PAPOLG: variants seen among roughly 807,000 people sequenced by gnomAD.
PAPOLG encodes PAP-gamma.
In PAPOLG, 40 loss-of-function variants were observed where a neutral mutation model predicts 99.0. The ratio of observed to expected loss-of-function variants is 0.40; its 90% CI spans 0.31 to 0.53. The LOEUF is 0.53. PAPOLG is among the 20% of genes least tolerant of loss of function. The pLI is 0.41. For missense variants in PAPOLG, 675 were observed against 884.1 expected (o/e 0.76, Z 3.00); for synonymous variants, 310 against 299.3 (o/e 1.04, Z -0.37).
chr2:60,757,747 T>A (rs1670391123), intron 1 of PAPOLG, among the ~76,000 whole-genome samples: 1 of 152,244 alleles, frequency 6.6e-6, no homozygotes, highest in Admixed American at 6.5e-5. Flanking sequence ...TAGGTGTCTC[T>A]TTGTACGCTT....
At chr2:60,764,499 C>T (rs1287475936) in intron 3 of PAPOLG, among the ~76,000 whole-genome samples, 1 of 151,890 alleles carries the variant, frequency 6.6e-6, no homozygotes, top group African/African-American at 2.4e-5. Flanking sequence ...TCACTGCAAC[C>T]TCCGCCTCCC....
At chr2:60,794,831 G>C in intron 20 of PAPOLG, 56 bp downstream of exon 20, 1 of 1,542,126 alleles carries the variant, frequency 6.5e-7, no homozygotes, top group Non-Finnish European at 8.9e-7. Context: ...CATGTATCAG[G>C]AAAAGTGCCA....
At chr2:60,770,379 G>A in intron 5 of PAPOLG, 79 bp from the exon 6 acceptor site, 1 of 1,218,584 alleles carries the variant, frequency 8.2e-7, no homozygotes, top group Non-Finnish European at 1.1e-6. Context: ...CGGGAGTAAA[G>A]ATATTCACAT....
intron 7 of PAPOLG, 120 bp from the exon 8 acceptor site, chr2:60,774,914 A>G: frequency 2.0e-6 from 3 of 1,480,878 alleles, no homozygotes; most frequent in Non-Finnish European, 2.7e-6. Flanking sequence ...ACATAAAATA[A>G]GCCCCAATGT....
chr2:60,782,455 C>G (rs13005859), intron 11 of PAPOLG, among the ~76,000 whole-genome samples: 73,186 of 151,174 alleles, frequency 0.48, 18,374 homozygotes, highest in Middle Eastern at 0.6. Context: ...TACTCAGGAG[C>G]CTGGGGCAGG....
chr2:60,792,935 C>T (rs888762381), intron 17 of PAPOLG, among the ~76,000 whole-genome samples: 1 of 152,154 alleles, frequency 6.6e-6, no homozygotes, highest in Admixed American at 6.5e-5. Context: ...ACTTGGGAGG[C>T]TGAGGCAGGA....
chr2:60,768,329 T>G, intron 3 of PAPOLG, 141 bp from the exon 4 acceptor site: 1 of 716,394 alleles, frequency 1.4e-6, no homozygotes, highest in Non-Finnish European at 2.2e-6. Flanking sequence ...CTTGAACTCC[T>G]GACCTCAGGT....
intron 1 of PAPOLG, among the ~76,000 whole-genome samples, chr2:60,757,183 C>T (rs938707135): frequency 6.6e-6 from 1 of 152,188 alleles, no homozygotes; most frequent in Non-Finnish European, 1.5e-5. Flanking sequence ...GTGGAGCCAC[C>T]ACCCATTTCT....
chr2:60,780,740 A>T lies in PAPOLG; in HGVS notation c.867A>T (p.Pro289=). Residue 289 remains proline, a synonymous_variant, in exon 10 of 22, where the codon CCA becomes CCT. Coordinates refer to ENST00000238714, the MANE Select transcript of PAPOLG (RefSeq NM_022894.4). Reference sequence around the variant, plus strand: ...CAAATCCTGTGCTGCTGAAGCAACCAGAAGAAAGCAATTTGAATTTGCCTG... The same window carrying T: ...CAAATCCTGTGCTGCTGAAGCAACCTGAAGAAAGCAATTTGAATTTGCCTG... ...EWPNPVLLKQ[P]EESNLNLPVW... 6.2e-7 allele frequency: 1 copy of T among 1,614,174 alleles called. No individual in the cohort carries two copies. The highest frequency in any genetic ancestry group is 8.5e-7 in the Non-Finnish European group (1 of 1,179,982).
chr2:60,783,970 C>G (rs78860544), intron 13 of PAPOLG, among the ~76,000 whole-genome samples: 5 of 152,008 alleles, frequency 3.3e-5, no homozygotes, highest in Non-Finnish European at 5.9e-5. Context: ...TTTCTCTTTT[C>G]TTTGTTTTTA....
rs1461758613 is a variant in PAPOLG, at chr2:60,783,605, G to T, written c.1166+396G>T. 2.7e-5 allele frequency among the ~76,000 whole-genome samples: 4 copies of T among 147,108 alleles called. No homozygotes were observed. In the East Asian group the frequency reaches 7.9e-4, roughly 29 times the overall value. ...AGCTCACTGCAACCTCCGCCTCCTG[G>T]GTTCAAGTGATTCCCCTGCCTTAGC... is the stretch of plus-strand genomic sequence containing the variant. On this transcript the variant is annotated intron_variant, in intron 13 of 21. Transcript: ENST00000238714.
At chr2:60,769,883 A>G (rs562209994) in intron 5 of PAPOLG, among the ~76,000 whole-genome samples, 2 of 152,202 alleles carry the variant, frequency 1.3e-5, no homozygotes, top group East Asian at 3.9e-4. Flanking sequence ...TAAGATCTGC[A>G]TGCATTAGGT....
chr2:60,761,862 C>T, intron 3 of PAPOLG, 55 bp downstream of exon 3: 2 of 1,249,128 alleles, frequency 1.6e-6, no homozygotes, highest in Non-Finnish European at 2.3e-6. Flanking sequence ...GGCCATTCAT[C>T]CTGGCAATAA....
intron 15 of PAPOLG, among the ~76,000 whole-genome samples, chr2:60,789,914 A>T (rs1671478775): frequency 6.6e-6 from 1 of 152,028 alleles, no homozygotes; most frequent in African/African-American, 2.4e-5. Context: ...ACATGGTGAA[A>T]CCCCACCCAT....
chr2:60,777,823 A>C (rs1327098565), intron 8 of PAPOLG, among the ~76,000 whole-genome samples: 1 of 152,202 alleles, frequency 6.6e-6, no homozygotes, highest in East Asian at 1.9e-4. Flanking sequence ...TTGGTGGAGC[A>C]TTCAGAACAT....
chr2:60,783,606 G>C (rs1435960009), intron 13 of PAPOLG, among the ~76,000 whole-genome samples: 2 of 148,540 alleles, frequency 1.3e-5, no homozygotes, highest in African/African-American at 5.0e-5. Context: ...CGCCTCCTGG[G>C]TTCAAGTGAT....
chr2:60,792,433 G>C (rs1348376359), intron 17 of PAPOLG, 144 bp downstream of exon 17: 3 of 804,588 alleles, frequency 3.7e-6, no homozygotes, highest in Non-Finnish European at 5.7e-6. Context: ...TTCTTGCTTA[G>C]AAATAACTCG....
chr2:60,770,056 G>C (rs1035662242), intron 5 of PAPOLG, among the ~76,000 whole-genome samples: 4 of 151,992 alleles, frequency 2.6e-5, no homozygotes, highest in Admixed American at 6.6e-5. Flanking sequence ...GAGAATGATG[G>C]CTTCCAGTTT....
Position 60,783,151 on chromosome 2 carries a change from T to G in PAPOLG, c.1113-5T>G, listed in dbSNP as rs1377875991. 1 of 1,564,506 alleles carries G rather than the reference T, an allele frequency of 6.4e-7. No homozygotes were observed. The highest frequency in any genetic ancestry group is 2.3e-5 in the East Asian group (1 of 43,158). The stretch of plus-strand genomic sequence containing the variant: ...TTTTCCTGATTGTTGCTGAAAATTC[T>G]TCAGACATTATATAGTATTGACTGC... On this transcript the variant is annotated splice_region_variant and splice_polypyrimidine_tract_variant and intron_variant, in intron 12 of 21. Coordinates refer to ENST00000238714, the MANE Select transcript of PAPOLG (RefSeq NM_022894.4).
Sources: allele counts gnomAD v4.1 joint callset (sites outside exome capture counted in the v4.1 genomes callset), GRCh38; gene constraint gnomAD v4.1.1; transcripts MANE v1.5; gene names NCBI Gene and HGNC (gene_info 2026-07-23, HGNC 2026-07-21).